Variants in RALGPS1 observed in about 807,000 individuals in gnomAD.
RALGPS1 encodes the protein ras-specific guanine nucleotide-releasing factor RalGPS1.
RALGPS1 carries 19 observed loss-of-function variants against 78.8 expected under a neutral mutation model. That is an observed-to-expected ratio of 0.24 (90% CI 0.17 to 0.35). RALGPS1 has a LOEUF of 0.35. RALGPS1 is among the 10% of genes least tolerant of loss of function. The probability of loss-of-function intolerance (pLI) is 1.00; values close to 1 mark genes in which losing one functional copy is unlikely to be tolerated. For missense variants in RALGPS1, 454 were observed against 688.3 expected (o/e 0.66, Z 3.81); for synonymous variants, 228 against 256.3 (o/e 0.89, Z 1.06).
At chr9:127,192,930 G>A (rs866560146) in intron 11 of RALGPS1, among the ~76,000 whole-genome samples, 2 of 152,232 alleles carry the variant, frequency 1.3e-5, no homozygotes, top group Non-Finnish European at 2.9e-5. Flanking sequence ...GCTCTGGGAG[G>A]AGGCTGACGA....
intron 8 of RALGPS1, among the ~76,000 whole-genome samples, chr9:127,105,830 A>T (rs999092): frequency 6.6e-6 from 1 of 152,048 alleles, no homozygotes; most frequent in Non-Finnish European, 1.5e-5. Context: ...GTCAGGGACC[A>T]CAATTGTCAC....
chr9:127,125,058 AG>A (rs2056509538), intron 8 of RALGPS1, among the ~76,000 whole-genome samples: 2 of 152,342 alleles, frequency 1.3e-5, no homozygotes, highest in East Asian at 3.9e-4. Flanking sequence ...TGGGGAGCTC[AG>A]GAGTCAGATT....
intron 8 of RALGPS1, among the ~76,000 whole-genome samples, chr9:127,143,974 T>C (rs1233151377): frequency 6.6e-6 from 1 of 152,184 alleles, no homozygotes; most frequent in Non-Finnish European, 1.5e-5. Flanking sequence ...CAGCAGAGGA[T>C]GGATTAGGCT....
intron 17 of RALGPS1, 58 bp from the exon 18 acceptor site, chr9:127,214,693 C>A: frequency 6.4e-7 from 1 of 1,558,200 alleles, no homozygotes; most frequent in South Asian, 1.2e-5. Context: ...TTATGCCAGT[C>A]ACCAGCTGAC....
intron 4 of RALGPS1, among the ~76,000 whole-genome samples, chr9:127,019,495 T>G (rs573171688): frequency 1.3e-5 from 2 of 151,984 alleles, no homozygotes; most frequent in South Asian, 4.2e-4. Flanking sequence ...GCCTGGCTAA[T>G]TTTTTGTATT....
At chr9:126,981,944 T>G (rs898640057) in intron 4 of RALGPS1, among the ~76,000 whole-genome samples, 5 of 151,962 alleles carry the variant, frequency 3.3e-5, no homozygotes, top group African/African-American at 9.7e-5. Context: ...AAGGCTTGAG[T>G]GGGGATGGAA....
At chr9:127,092,352 G>A (rs2052587620) in intron 8 of RALGPS1, among the ~76,000 whole-genome samples, 2 of 152,130 alleles carry the variant, frequency 1.3e-5, no homozygotes, top group Non-Finnish European at 2.9e-5. Context: ...TGAGGGTCAC[G>A]TGTAAGCTGT....
At chr9:126,976,870 A>G (rs2040710444) in intron 3 of RALGPS1, among the ~76,000 whole-genome samples, 1 of 152,160 alleles carries the variant, frequency 6.6e-6, no homozygotes, top group African/African-American at 2.4e-5. Context: ...CCTTGGTCTG[A>G]AAAATGGTCA....
At chr9:127,136,241 T>C (rs1384168563) in intron 8 of RALGPS1, among the ~76,000 whole-genome samples, 2 of 152,208 alleles carry the variant, frequency 1.3e-5, no homozygotes, top group Non-Finnish European at 2.9e-5. Flanking sequence ...AAGCACCCCC[T>C]GAGCTCCAGC....
intron 4 of RALGPS1, among the ~76,000 whole-genome samples, chr9:126,981,525 G>A (rs553517083): frequency 3.3e-5 from 5 of 152,194 alleles, no homozygotes; most frequent in African/African-American, 1.2e-4. Context: ...TATGCACAGG[G>A]TTGAAAAGGG....
In RALGPS1 at chr9:127,218,931, AC is replaced by A; in HGVS notation, c.*164del. On this transcript the variant is annotated 3_prime_UTR_variant, in exon 19 of 19. Transcript: ENST00000259351. This position sits in a 1 kb window ranked among gnomAD's most constrained non-coding sequence, Gnocchi z 4.4. ...TGGCCTCACCATCCCAGAGGGCTTC[AC>A]CAGTGTGGGATCCACCTGTCAGTCC... 1 of 774,980 alleles carries A rather than the reference AC, an allele frequency of 1.3e-6. No individual in the cohort carries two copies. The highest frequency in any genetic ancestry group is 2.2e-6 in the Non-Finnish European group (1 of 452,372). The allele number at this position is 774,980 out of a possible 1,614,324, so 48.0% of individuals were successfully genotyped here.
chr9:127,045,527 A>G (rs918560366), intron 5 of RALGPS1, among the ~76,000 whole-genome samples: 14 of 152,204 alleles, frequency 9.2e-5, no homozygotes, highest in Admixed American at 7.9e-4. Flanking sequence ...GAGTATAATG[A>G]AATGGATGGC....
Position 127,213,130 on chromosome 9 carries a change from TAGG to T in RALGPS1, c.1552+84_1552+86del, listed in dbSNP as rs1236121958. On this transcript the variant is annotated intron_variant, in intron 17 of 18. Transcript: ENST00000259351. ...TGCACAGCGTGCATTTTGAAATTAT[TAGG>T]AGCTTTTGAGGCTGCTGCCTTCCCT... 23 of 1,572,804 alleles carry T rather than the reference TAGG, an allele frequency of 1.5e-5. No homozygotes were observed. In the Admixed American group the frequency reaches 4.3e-4, roughly 30 times the overall value.
intron 4 of RALGPS1, among the ~76,000 whole-genome samples, chr9:127,003,992 T>C (rs1349473618): frequency 6.6e-6 from 1 of 152,264 alleles, no homozygotes; most frequent in Non-Finnish European, 1.5e-5. Flanking sequence ...AAATCCTGGC[T>C]TCTTTGGTTG....
intron 4 of RALGPS1, among the ~76,000 whole-genome samples, chr9:126,980,743 C>T (rs1209941177): frequency 2.6e-5 from 4 of 152,164 alleles, no homozygotes; most frequent in African/African-American, 9.7e-5. Flanking sequence ...GACCCTGTAG[C>T]CAGTACCTGA....
intron 14 of RALGPS1, chr9:127,210,791 T>TCA: frequency 6.5e-7 from 1 of 1,544,134 alleles, no homozygotes; most frequent in South Asian, 1.2e-5. Flanking sequence ...ATTCATGTGT[T>TCA]CATGTGTTCA....
chr9:127,156,496 TTTAG>T (rs2058716177), intron 8 of RALGPS1, among the ~76,000 whole-genome samples: 1 of 152,214 alleles, frequency 6.6e-6, no homozygotes, highest in East Asian at 1.9e-4. Context: ...AATATCTTGT[TTTAG>T]TTTGTAATTC....
At chr9:127,112,951 G>A (rs1225302672) in intron 8 of RALGPS1, among the ~76,000 whole-genome samples, 2 of 152,204 alleles carry the variant, frequency 1.3e-5, no homozygotes, top group Non-Finnish European at 2.9e-5. Context: ...TCTAGGCTGA[G>A]GAAACTGAAG....
chr9:126,932,695 A>G (rs2035897030), intron 1 of RALGPS1, among the ~76,000 whole-genome samples: 1 of 152,280 alleles, frequency 6.6e-6, no homozygotes. Context: ...TGTACATTAT[A>G]AAACAAAATG....
Sources: allele counts gnomAD v4.1 joint callset (sites outside exome capture counted in the v4.1 genomes callset), GRCh38; gene constraint gnomAD v4.1.1; non-coding constraint Gnocchi (gnomAD v3.1); transcripts MANE v1.5; gene names NCBI Gene and HGNC (gene_info 2026-07-23, HGNC 2026-07-21).